The following RNLS variants were observed in gnomAD, a reference collection of about 807,000 sequenced individuals.
The protein encoded by RNLS is renalase, FAD dependent amine oxidase, also known as renalase.
In RNLS, 39 loss-of-function variants were observed where a neutral mutation model predicts 39.8. That is an observed-to-expected ratio of 0.98 (90% CI 0.76 to 1.28). The LOEUF (loss-of-function observed/expected upper bound fraction) is 1.28. RNLS is among the 50% of genes most tolerant of loss of function. The pLI is 0.00. For missense variants in RNLS, 410 were observed against 413.3 expected (o/e 0.99, Z 0.07); for synonymous variants, 147 against 150.7 (o/e 0.98, Z 0.18).
chr10:88,179,869 C>G, the RNLS span, among the ~76,000 whole-genome samples: 3 of 152,318 alleles, frequency 2.0e-5, no homozygotes, highest in Admixed American at 2.0e-4. Context: ...GTATAATCCC[C>G]AGGGTGGAGG....
In RNLS at chr10:88,477,226, C is replaced by T. The variant is rs540984520; in HGVS notation, c.526+95677G>A. ...AAGACTGTTCCATGTGTACATCTGC[C>T]CTATGGAGAAAGTGCAAAGTGCTGA... On this transcript the variant is annotated intron_variant, in intron 4 of 6. Transcript: ENST00000331772. Among the ~76,000 whole-genome samples the T allele has an allele frequency of 5.5e-4, 83 of 151,834 alleles. 1 individual carries two copies. The highest frequency in any genetic ancestry group is 1.8e-3 in the African/African-American group (76 of 41,358).
intron 5 of RNLS, among the ~76,000 whole-genome samples, chr10:88,350,363 T>C (rs1340241149): frequency 1.3e-5 from 2 of 152,166 alleles, no homozygotes; most frequent in African/African-American, 4.8e-5. Flanking sequence ...GTATATCTCC[T>C]AATGCTATCC....
chr10:88,487,703 C>T (rs979023205), intron 4 of RNLS, among the ~76,000 whole-genome samples: 17 of 152,188 alleles, frequency 1.1e-4, no homozygotes, highest in African/African-American at 3.6e-4. Context: ...ATATATTTAA[C>T]ATATGATCCA....
intron 4 of RNLS, among the ~76,000 whole-genome samples, chr10:88,563,379 T>C (rs1040420423): frequency 6.6e-6 from 1 of 152,186 alleles, no homozygotes; most frequent in Admixed American, 6.5e-5. Context: ...TTTGTTATAC[T>C]GTAAATCTCC....
At chr10:88,454,713 G>A (rs767805723) in intron 4 of RNLS, among the ~76,000 whole-genome samples, 3 of 152,314 alleles carry the variant, frequency 2.0e-5, no homozygotes, top group South Asian at 4.1e-4. Context: ...AATCTGGGTA[G>A]ATTTATCAGA....
chr10:88,435,778 A>G (rs565711165), intron 4 of RNLS, among the ~76,000 whole-genome samples: 1 of 152,170 alleles, frequency 6.6e-6, no homozygotes, highest in Non-Finnish European at 1.5e-5. Flanking sequence ...GAAACCATGT[A>G]TGATCACCTA....
At chr10:88,203,337 C>T in the RNLS span, among the ~76,000 whole-genome samples, 46 of 9,638 alleles carry the variant, frequency 4.8e-3, 9 homozygotes, top group African/African-American at 0.033. Flanking sequence ...TATATATATA[C>T]ACGTATGTGT....
chr10:88,528,840 A>C (rs1310165485), intron 4 of RNLS, among the ~76,000 whole-genome samples: 1 of 147,024 alleles, frequency 6.8e-6, no homozygotes, highest in South Asian at 2.2e-4. Context: ...GTGACAGTGC[A>C]AGACTCCGTC....
chr10:88,314,968 C>T (rs1845646666), intron 5 of RNLS, among the ~76,000 whole-genome samples: 1 of 152,134 alleles, frequency 6.6e-6, no homozygotes, highest in South Asian at 2.1e-4. Context: ...CACAAAATTG[C>T]TAGCTCTTCA....
chr10:88,337,033 G>C (rs1330041762), intron 5 of RNLS, among the ~76,000 whole-genome samples: 1 of 152,176 alleles, frequency 6.6e-6, no homozygotes, highest in Non-Finnish European at 1.5e-5. Context: ...GGCTGGGCCT[G>C]AGAGATGGGG....
chr10:88,381,037 AT>A (rs1191334872), intron 4 of RNLS, among the ~76,000 whole-genome samples: 2 of 152,354 alleles, frequency 1.3e-5, no homozygotes, highest in South Asian at 4.1e-4. Flanking sequence ...ATTTTAATTT[AT>A]ATAGCTTTTT....
chr10:88,475,911 T>C (rs1349082654), intron 4 of RNLS, among the ~76,000 whole-genome samples: 1 of 152,238 alleles, frequency 6.6e-6, no homozygotes, highest in African/African-American at 2.4e-5. Context: ...TAAAGCTGCA[T>C]AGGAAGCAAC....
intron 4 of RNLS, among the ~76,000 whole-genome samples, 191 bp from the exon 5 acceptor site, chr10:88,362,916 A>C (rs1371687382): frequency 6.6e-6 from 1 of 152,154 alleles, no homozygotes; most frequent in Non-Finnish European, 1.5e-5. Context: ...TAACTTTGGC[A>C]AATTGTTTTT....
chr10:88,459,620 T>C (rs1842832639), intron 4 of RNLS, among the ~76,000 whole-genome samples: 1 of 152,106 alleles, frequency 6.6e-6, no homozygotes, highest in Non-Finnish European at 1.5e-5. Context: ...TCAGGGATAG[T>C]TGAAAAAGAA....
At chr10:88,185,240 G>A in the RNLS span, among the ~76,000 whole-genome samples, 1 of 152,026 alleles carries the variant, frequency 6.6e-6, no homozygotes, top group Non-Finnish European at 1.5e-5. Context: ...TTCATCCTTT[G>A]TCTTATTTTC....
chr10:88,529,660 G>A lies in RNLS; in HGVS notation c.526+43243C>T, dbSNP rs141744841. Among the ~76,000 whole-genome samples the A allele has an allele frequency of 4.8e-3, 729 of 152,266 alleles. 2 individuals are homozygous for A. The highest frequency in any genetic ancestry group is 7.2e-3 in the Non-Finnish European group (489 of 68,018). On this transcript the variant is annotated intron_variant, in intron 4 of 6. Transcript: ENST00000331772. ...TAAATGTCTAATTTCTGAAGGTGAG[G>A]AAGAGAGCAAAGTCTACTTCCCATA...
At chr10:88,466,068 AAGG>A (rs1322327391) in intron 4 of RNLS, among the ~76,000 whole-genome samples, 4 of 152,068 alleles carry the variant, frequency 2.6e-5, no homozygotes, top group African/African-American at 9.7e-5. Flanking sequence ...CCATTGTTAG[AAGG>A]AGAAGACAAA....
intron 4 of RNLS, among the ~76,000 whole-genome samples, chr10:88,403,230 T>C (rs562199207): frequency 2.0e-4 from 31 of 152,090 alleles, no homozygotes; most frequent in Non-Finnish European, 4.1e-4. Context: ...ATTACTTATA[T>C]TGCAATTGCA....
chr10:88,349,869 T>C (rs973703569), intron 5 of RNLS, among the ~76,000 whole-genome samples: 7 of 152,022 alleles, frequency 4.6e-5, no homozygotes, highest in African/African-American at 1.4e-4. Context: ...AATTAGTATT[T>C]GACAGCTGTT....
Sources: allele counts gnomAD v4.1 joint callset (sites outside exome capture counted in the v4.1 genomes callset), GRCh38; gene constraint gnomAD v4.1.1; transcripts MANE v1.5; gene names NCBI Gene and HGNC (gene_info 2026-07-23, HGNC 2026-07-21).